The following CACNA2D3 variants were observed in gnomAD, a reference collection of about 807,000 sequenced individuals.
CACNA2D3 encodes voltage-dependent calcium channel subunit alpha-2/delta-3.
Under a neutral mutation model 160.6 loss-of-function variants are expected in CACNA2D3, and 60 were observed. The ratio of observed to expected loss-of-function variants is 0.37; its 90% confidence interval spans 0.30 to 0.46. The LOEUF is 0.46. Ranked by LOEUF, CACNA2D3 falls within the 20% of genes least tolerant of loss-of-function variation. The pLI is 1.00. For synonymous variants in CACNA2D3, 558 were observed against 492.9 expected, an observed-to-expected ratio of 1.13 and a Z score of -1.75; for missense variants, 1,205 against 1,365.0, an observed-to-expected ratio of 0.88 and a Z score of 1.85.
intron 9 of CACNA2D3, among the ~76,000 whole-genome samples, chr3:54,606,443 G>T (rs1390765611): frequency 6.6e-6 from 1 of 152,110 alleles, no homozygotes; most frequent in African/African-American, 2.4e-5. Context: ...CCCAGGGTGA[G>T]AGTGGTGGAG....
chr3:54,149,201 C>G (rs1700094980), intron 2 of CACNA2D3, among the ~76,000 whole-genome samples: 1 of 151,666 alleles, frequency 6.6e-6, no homozygotes, highest in Non-Finnish European at 1.5e-5. Flanking sequence ...ATGTCCTCAA[C>G]CTGTGGCCCG....
intron 27 of CACNA2D3, among the ~76,000 whole-genome samples, chr3:54,963,684 G>C (rs940342017): frequency 6.6e-6 from 1 of 152,106 alleles, no homozygotes; most frequent in Non-Finnish European, 1.5e-5. Context: ...CCCTGCATTC[G>C]TTTCTGTCAG....
intron 11 of CACNA2D3, among the ~76,000 whole-genome samples, chr3:54,646,928 G>A (rs1362803964): frequency 1.3e-5 from 2 of 152,154 alleles, no homozygotes; most frequent in African/African-American, 2.4e-5. Flanking sequence ...CTCCACAAGG[G>A]CAGAGAGACT....
At chr3:54,235,721 G>T (rs970729776) in intron 2 of CACNA2D3, among the ~76,000 whole-genome samples, 24 of 152,324 alleles carry the variant, frequency 1.6e-4, no homozygotes, top group Non-Finnish European at 2.6e-4. Flanking sequence ...GTATTAGATT[G>T]TAACCCAAAT....
rs571528795 is a variant in CACNA2D3, at chr3:54,932,886, A to G, written c.2449+33018A>G. ...AGTAGGCCCTTGGCACCACAAATCC[A>G]TGCAGAAATTTCGTTTGGTTAGAAA... On this transcript the variant is annotated intron_variant, in intron 27 of 37. Transcript: ENST00000474759. Among the ~76,000 whole-genome samples the G allele has an allele frequency of 6.6e-5, 10 of 152,348 alleles. 1 individual carries two copies. Among genetic ancestry groups the G allele is most frequent in the African/African-American group, 2.2e-4 (9 of 41,586 alleles).
At chr3:54,562,688 C>T (rs1258139643) in intron 5 of CACNA2D3, 112 bp from the exon 6 acceptor site, 3 of 878,242 alleles carry the variant, frequency 3.4e-6, no homozygotes, top group Non-Finnish European at 5.2e-6. Context: ...TTCATAGCCT[C>T]CTGCAAGATG....
At chr3:55,020,450 A>G (rs1315049492) in intron 35 of CACNA2D3, among the ~76,000 whole-genome samples, 2 of 149,764 alleles carry the variant, frequency 1.3e-5, no homozygotes, top group African/African-American at 4.9e-5. Context: ...TTACATATGT[A>G]TAGTATGTAT....
At chr3:54,604,396 C>T (rs1428815904) in intron 9 of CACNA2D3, among the ~76,000 whole-genome samples, 1 of 152,142 alleles carries the variant, frequency 6.6e-6, no homozygotes, top group Non-Finnish European at 1.5e-5. Flanking sequence ...TGATCTCAGC[C>T]CTGCCTACTC....
intron 27 of CACNA2D3, among the ~76,000 whole-genome samples, chr3:54,926,505 T>TACACACACACAC (rs36205023): frequency 2.8e-5 from 4 of 143,312 alleles, no homozygotes; most frequent in South Asian, 2.4e-4. Flanking sequence ...GCCTGTCAAA[T>TACACACACACAC]ACACACACAC....
intron 2 of CACNA2D3, among the ~76,000 whole-genome samples, chr3:54,218,131 G>T (rs1324940860): frequency 6.6e-6 from 1 of 152,164 alleles, no homozygotes; most frequent in African/African-American, 2.4e-5. Flanking sequence ...AAGGGTGATG[G>T]AGACCACGCT....
At chr3:54,800,611 A>C (rs1481444555) in intron 13 of CACNA2D3, among the ~76,000 whole-genome samples, 1 of 152,202 alleles carries the variant, frequency 6.6e-6, no homozygotes, top group African/African-American at 2.4e-5. Context: ...CTCCTTAGCT[A>C]TATGTAATAT....
chr3:54,652,864 C>T (rs956407079), intron 11 of CACNA2D3, among the ~76,000 whole-genome samples: 10 of 144,992 alleles, frequency 6.9e-5, no homozygotes, highest in African/African-American at 2.5e-4. Flanking sequence ...CTCACTGTAA[C>T]CTCCGCCTCC....
chr3:54,340,627 C>T (rs1704496797), intron 3 of CACNA2D3, among the ~76,000 whole-genome samples: 1 of 152,202 alleles, frequency 6.6e-6, no homozygotes, highest in Admixed American at 6.5e-5. Context: ...TTTATCCATT[C>T]ACCTGCTAAT....
chr3:54,870,561 A>G (rs1437563703), intron 17 of CACNA2D3, among the ~76,000 whole-genome samples: 1 of 152,232 alleles, frequency 6.6e-6, no homozygotes, highest in Non-Finnish European at 1.5e-5. Flanking sequence ...CACAACCAGC[A>G]TGAAAGGCCT....
intron 16 of CACNA2D3, among the ~76,000 whole-genome samples, chr3:54,840,748 G>C (rs1416468824): frequency 4.3e-5 from 5 of 116,806 alleles, no homozygotes; most frequent in Non-Finnish European, 8.6e-5. Flanking sequence ...TTGAGACGGA[G>C]TCTCGCTCTG....
chr3:54,988,053 C>T (rs188191028), intron 31 of CACNA2D3, among the ~76,000 whole-genome samples: 8 of 152,168 alleles, frequency 5.3e-5, no homozygotes, highest in African/African-American at 1.9e-4. Flanking sequence ...CAAGTCACTG[C>T]GAAGAAGTAG....
At chr3:54,698,720 GAT>G (rs1311128775) in intron 11 of CACNA2D3, among the ~76,000 whole-genome samples, 1 of 152,162 alleles carries the variant, frequency 6.6e-6, no homozygotes, top group Non-Finnish European at 1.5e-5. Context: ...AAGGAGATGT[GAT>G]ATGACTGAGG....
At chr3:54,802,964 C>T (rs892143114) in intron 13 of CACNA2D3, among the ~76,000 whole-genome samples, 28 of 152,222 alleles carry the variant, frequency 1.8e-4, no homozygotes, top group Admixed American at 5.9e-4. Flanking sequence ...TGAAGTGGAC[C>T]TCTAGCAAAC....
chr3:54,382,726 G>A (rs1031454892), intron 3 of CACNA2D3, among the ~76,000 whole-genome samples: 2 of 152,264 alleles, frequency 1.3e-5, no homozygotes, highest in Admixed American at 1.3e-4. Flanking sequence ...GGAGCTTGCA[G>A]TGAGCCGAGA....
Sources: gnomAD v4.1 joint callset for allele counts (sites outside exome capture counted in the v4.1 genomes callset) on GRCh38, gnomAD v4.1.1 for gene constraint, MANE v1.5 for transcripts, NCBI Gene and HGNC (gene_info 2026-07-23, HGNC 2026-07-21) for gene names.